The following SLIT3 variants were observed in gnomAD, a reference collection of about 807,000 sequenced individuals.
SLIT3 encodes the protein slit guidance ligand 3, also known as slit homolog 3 protein.
A neutral mutation model predicts 184.0 loss-of-function variants in SLIT3; 68 were observed. The observed-to-expected ratio is 0.37, with a 90% CI of 0.30 to 0.45. The LOEUF is 0.45. SLIT3 is among the 20% of genes least tolerant of loss of function. The pLI is 1.00. For missense variants in SLIT3, 1,707 were observed against 2,026.0 expected (o/e 0.84, Z 3.02); for synonymous variants, 831 against 828.6 (o/e 1.00, Z -0.05).
intron 4 of SLIT3, among the ~76,000 whole-genome samples, chr5:169,161,229 G>T (rs1762466999): frequency 6.6e-6 from 1 of 152,200 alleles, no homozygotes; most frequent in Non-Finnish European, 1.5e-5. Flanking sequence ...GGTCCCAGGG[G>T]ATTTGTGGTC....
intron 14 of SLIT3, among the ~76,000 whole-genome samples, chr5:168,767,728 G>T (rs529974767): frequency 2.6e-5 from 4 of 152,254 alleles, no homozygotes; most frequent in South Asian, 4.1e-4. Flanking sequence ...GAGGGGTCGG[G>T]GGTCACAAGC....
chr5:168,769,456 C>T (rs564182518), intron 14 of SLIT3, among the ~76,000 whole-genome samples: 1 of 152,296 alleles, frequency 6.6e-6, no homozygotes, highest in South Asian at 2.1e-4. Context: ...CTCAGCATCT[C>T]AACGGTGCAT....
At chr5:168,725,974 C>T (rs1398998654) in intron 20 of SLIT3, among the ~76,000 whole-genome samples, 1 of 152,178 alleles carries the variant, frequency 6.6e-6, no homozygotes, top group Non-Finnish European at 1.5e-5. Context: ...CCTGGGGACT[C>T]TCATGGCACA....
At chr5:169,131,397 C>T (rs1013941163) in intron 4 of SLIT3, among the ~76,000 whole-genome samples, 4 of 152,082 alleles carry the variant, frequency 2.6e-5, no homozygotes, top group Admixed American at 2.6e-4. Context: ...GGGAGTGGGA[C>T]CCAGCAATAG....
At chr5:169,270,994 C>CT (rs1157843449) in intron 1 of SLIT3, among the ~76,000 whole-genome samples, 1 of 152,132 alleles carries the variant, frequency 6.6e-6, no homozygotes, top group Non-Finnish European at 1.5e-5. Flanking sequence ...TCTCTTTGCT[C>CT]TTATTGTTGC....
chr5:169,057,417 A>T (rs907903281), intron 4 of SLIT3, among the ~76,000 whole-genome samples: 1 of 152,230 alleles, frequency 6.6e-6, no homozygotes, highest in Non-Finnish European at 1.5e-5. Context: ...TGGCACCAGC[A>T]TGGGGCAGCC....
chr5:169,157,246 CT>C (rs144780586), intron 4 of SLIT3, among the ~76,000 whole-genome samples: 6,084 of 152,264 alleles, frequency 0.04, 435 homozygotes, highest in African/African-American at 0.14. Context: ...AAAGGTACCC[CT>C]CCCCTGTGAC....
intron 4 of SLIT3, among the ~76,000 whole-genome samples, chr5:169,152,147 G>T (rs1762136268): frequency 6.6e-6 from 1 of 152,194 alleles, no homozygotes; most frequent in African/African-American, 2.4e-5. Context: ...GGTACAAAGA[G>T]CCCCAGGTTT....
intron 20 of SLIT3, among the ~76,000 whole-genome samples, chr5:168,734,503 T>G (rs1444710246): frequency 6.6e-6 from 1 of 152,196 alleles, no homozygotes; most frequent in African/African-American, 2.4e-5. Flanking sequence ...AGCTCCAGCA[T>G]TAGTTTTTCA....
At chr5:168,969,802 T>G (rs1275735037) in intron 4 of SLIT3, among the ~76,000 whole-genome samples, 1 of 152,234 alleles carries the variant, frequency 6.6e-6, no homozygotes, top group African/African-American at 2.4e-5. Context: ...AGGTTCACTT[T>G]GGGGCTCTCA....
At chr5:168,909,096 C>T (rs1035992268) in intron 4 of SLIT3, among the ~76,000 whole-genome samples, 2 of 152,318 alleles carry the variant, frequency 1.3e-5, no homozygotes, top group Non-Finnish European at 1.5e-5. Context: ...TTCCCACAGG[C>T]CTGCGTCCTC....
chr5:168,762,608 G>A lies in SLIT3; in HGVS notation c.1541C>T (p.Thr514Met), dbSNP rs771738292. The change falls in exon 15 of 36, where the codon ACG becomes ATG. Residue 514 changes from threonine (T) to methionine (M), a missense_variant. Physicochemically the swap from Thr to Met is moderately conservative, Grantham distance 81. Coordinates refer to ENST00000519560, the MANE Select transcript of SLIT3 (RefSeq NM_003062.4). ...VCPEKCRCEGTIVDCSNQKLV... is the reference protein window; with the variant it reads ...VCPEKCRCEGMIVDCSNQKLV... ...CTTCTGGTTGGAGCAGTCCACAATC[G>A]TGCCCTCACAGCGACACTTCTCGGG... The A allele has an allele frequency of 4.3e-6, 7 of 1,613,990 alleles. No homozygotes were observed. The Admixed American group carries it at 5.0e-5, about 12-fold the overall frequency.
At chr5:168,780,445 G>A (rs1368823495) in intron 12 of SLIT3, among the ~76,000 whole-genome samples, 1 of 152,246 alleles carries the variant, frequency 6.6e-6, no homozygotes, top group African/African-American at 2.4e-5. Flanking sequence ...ACACTCAGAT[G>A]CAGATATACA....
intron 4 of SLIT3, among the ~76,000 whole-genome samples, chr5:169,081,985 GA>G (rs1254428466): frequency 2.6e-5 from 4 of 152,134 alleles, no homozygotes; most frequent in South Asian, 4.2e-4. Flanking sequence ...CCTGACTCCA[GA>G]CCCCCCCACA....
intron 1 of SLIT3, among the ~76,000 whole-genome samples, chr5:169,271,382 C>T (rs1310147137): frequency 6.6e-6 from 1 of 152,186 alleles, no homozygotes; most frequent in Non-Finnish European, 1.5e-5. Context: ...TGCGATTACA[C>T]CTTGCTCCTG....
intron 8 of SLIT3, among the ~76,000 whole-genome samples, chr5:168,807,589 A>G (rs1194690097): frequency 1.3e-5 from 2 of 152,098 alleles, no homozygotes; most frequent in Non-Finnish European, 2.9e-5. Context: ...GGGTTATTTC[A>G]ATGTCTTTCC....
chr5:168,699,898 C>G (rs1438163954), intron 27 of SLIT3, among the ~76,000 whole-genome samples: 2 of 152,190 alleles, frequency 1.3e-5, no homozygotes, highest in Admixed American at 6.5e-5. Flanking sequence ...AGTCTTTAAG[C>G]CTTCACCCAA....
chr5:168,974,377 C>T (rs1217023301), intron 4 of SLIT3, among the ~76,000 whole-genome samples: 1 of 152,196 alleles, frequency 6.6e-6, no homozygotes, highest in African/African-American at 2.4e-5. Flanking sequence ...GTGGCCTCTA[C>T]CACTCCAGGA....
At chr5:169,190,473 A>T (rs1763517383) in intron 4 of SLIT3, among the ~76,000 whole-genome samples, 1 of 152,226 alleles carries the variant, frequency 6.6e-6, no homozygotes, top group Non-Finnish European at 1.5e-5. Context: ...AACTTTAGTC[A>T]CTAAACTAAC....
Sources: allele counts gnomAD v4.1 joint callset (sites outside exome capture counted in the v4.1 genomes callset), GRCh38; gene constraint gnomAD v4.1.1; transcripts MANE v1.5; gene names NCBI Gene and HGNC (gene_info 2026-07-23, HGNC 2026-07-21).